Variants in EEA1 observed in about 807,000 individuals in gnomAD.
EEA1 encodes early endosome antigen 1, 162kD.
EEA1 carries 111 observed loss-of-function variants against 209.2 expected under a neutral mutation model. The observed-to-expected ratio is 0.53, with a 90% CI of 0.45 to 0.62. EEA1 has a LOEUF of 0.62. Ranked by LOEUF, EEA1 falls within the 20% of genes least tolerant of loss-of-function variation. The probability of loss-of-function intolerance (pLI) is 0.00; values close to 1 mark genes in which losing one functional copy is unlikely to be tolerated. For missense variants in EEA1, 1,343 were observed against 1,530.8 expected, an observed-to-expected ratio of 0.88 and a Z score of 2.05; for synonymous variants, 536 against 540.6, an observed-to-expected ratio of 0.99 and a Z score of 0.12.
chr12:92,789,911 C>A (rs553070429), intron 21 of EEA1, among the ~76,000 whole-genome samples: 1 of 152,152 alleles, frequency 6.6e-6, no homozygotes, highest in African/African-American at 2.4e-5. Context: ...CCCTCTGGGA[C>A]GAAGCTTCCA....
Position 92,778,063 on chromosome 12 carries a change from C to T in EEA1, c.3771G>A (p.Trp1257Ter). ...NENLGTVKKE[W>*]QSSQRRVSEL... The stretch of plus-strand genomic sequence containing the variant: ...CACTAACTCTCCGTTGACTAGATTG[C>T]CACTCCTTCTTCACAGTGCCTAAGT... Residue 1257 changes from tryptophan (W) to a stop codon, truncating the protein, a stop_gained, in exon 26 of 29, where the codon TGG (tryptophan) becomes TGA (stop). Transcript: ENST00000322349. LOFTEE classifies it high-confidence loss of function. 1 of 1,613,442 alleles carries T rather than the reference C, an allele frequency of 6.2e-7. No homozygotes were observed. Among genetic ancestry groups the T allele is most frequent in the Non-Finnish European group, 8.5e-7 (1 of 1,179,552 alleles).
chr12:92,811,229 T>C (rs763868720), intron 17 of EEA1, 50 bp downstream of exon 17: 15 of 1,239,890 alleles, frequency 1.2e-5, no homozygotes, highest in Non-Finnish European at 7.4e-6. Context: ...TGAGATTCCA[T>C]TGCTACTGAA....
intron 21 of EEA1, among the ~76,000 whole-genome samples, chr12:92,794,038 A>T (rs919695268): frequency 5.3e-5 from 8 of 152,194 alleles, no homozygotes; most frequent in Non-Finnish European, 1.0e-4. Context: ...TACAAGAAAA[A>T]AACAAACAAC....
chr12:92,906,532 G>C (rs1693086419), intron 1 of EEA1, among the ~76,000 whole-genome samples: 1 of 152,306 alleles, frequency 6.6e-6, no homozygotes, highest in African/African-American at 2.4e-5. Context: ...AACTTTAGGG[G>C]CCGGGTGCAG....
chr12:92,873,146 G>A (rs1878726269), intron 2 of EEA1, among the ~76,000 whole-genome samples: 1 of 152,166 alleles, frequency 6.6e-6, no homozygotes, highest in Non-Finnish European at 1.5e-5. Context: ...ACTTTGCTTT[G>A]CTTAAATGTC....
At chr12:92,846,314 G>A (rs1325808171) in intron 9 of EEA1, among the ~76,000 whole-genome samples, 1 of 152,110 alleles carries the variant, frequency 6.6e-6, no homozygotes, top group African/African-American at 2.4e-5. Context: ...ACAAAATGGT[G>A]GATGAAAGGT....
intron 5 of EEA1, among the ~76,000 whole-genome samples, chr12:92,855,893 CAATT>C (rs1181975971): frequency 6.6e-6 from 1 of 152,152 alleles, no homozygotes; most frequent in Non-Finnish European, 1.5e-5. Flanking sequence ...AGCCCATACT[CAATT>C]AATTATTAAT....
rs1214027251 is a variant in EEA1, at chr12:92,770,753, A to G, written c.*5258T>C. 1 of 152,186 alleles carries G rather than the reference A, an allele frequency of 6.6e-6. No homozygotes were observed. The highest frequency in any genetic ancestry group is 1.5e-5 in the Non-Finnish European group (1 of 68,042). The allele number at this position is 152,186 out of a possible 1,614,324, so 9.4% of individuals were successfully genotyped here. A position where few individuals can be genotyped will look rare whatever the true frequency, so the allele number is the denominator to read the frequency against. ...TAGCAGTTTTAAAATTCCTATTCTC[A>G]AACTCATCTCAGGTATATAGTACTC... On this transcript the variant is annotated 3_prime_UTR_variant, in exon 29 of 29. Coordinates refer to ENST00000322349, the MANE Select transcript of EEA1 (RefSeq NM_003566.4).
At chr12:92,779,756 A>G (rs1367552603) in intron 24 of EEA1, among the ~76,000 whole-genome samples, 1 of 152,192 alleles carries the variant, frequency 6.6e-6, no homozygotes, top group Non-Finnish European at 1.5e-5. Flanking sequence ...CATAAAGGAC[A>G]TTATGAGTGC....
At chr12:92,863,842 C>A (rs61935266) in intron 3 of EEA1, among the ~76,000 whole-genome samples, 1 of 152,104 alleles carries the variant, frequency 6.6e-6, no homozygotes, top group Non-Finnish European at 1.5e-5. Flanking sequence ...CAAGGGTAGA[C>A]CGTGGATGCT....
In EEA1 at chr12:92,802,517, T is replaced by C. The variant is rs1874970119; in HGVS notation, c.2557A>G (p.Thr853Ala). ...TTGTCCTTTACTGTAGAAAGCTCTG[T>C]CATTAAAGCTTCTTTCTCCATTTTC... The part of the protein sequence containing the change: ...KVKMEKEALM[T>A]ELSTVKDKLS... The change falls in exon 19 of 29, where the codon ACA becomes GCA. Residue 853 changes from threonine to alanine, a missense_variant. Thr to Ala is a moderately conservative substitution (Grantham distance 58). Transcript: ENST00000322349. The C allele has an allele frequency of 1.3e-6, 2 of 1,597,060 alleles. No individual in the cohort carries two copies. The highest frequency in any genetic ancestry group is 1.7e-6 in the Non-Finnish European group (2 of 1,174,806).
chr12:92,811,236 T>A (rs1467222144), intron 17 of EEA1, 43 bp downstream of exon 17: 1 of 1,298,898 alleles, frequency 7.7e-7, no homozygotes, highest in Non-Finnish European at 1.0e-6. Flanking sequence ...CCATTGCTAC[T>A]GAAGTAGAAA....
In EEA1 at chr12:92,858,650, T is replaced by A. The variant is rs917733916; in HGVS notation, c.246-1165A>T. 29 of 736,370 alleles carry A rather than the reference T, an allele frequency of 3.9e-5. No individual in the cohort carries two copies. In the African/African-American group the frequency reaches 4.6e-4, roughly 12 times the overall value. The allele number at this position is 736,370 out of a possible 1,614,324, so 45.6% of individuals were successfully genotyped here. A position where few individuals can be genotyped will look rare whatever the true frequency, so the allele number is the denominator to read the frequency against. Reference sequence around the variant, plus strand: ...ACAACTCAAGTTACTGTGCACTATATGCAGGATTGAGGTGCTATGCTTCCC... The same window carrying A: ...ACAACTCAAGTTACTGTGCACTATAAGCAGGATTGAGGTGCTATGCTTCCC... On this transcript the variant is annotated intron_variant, in intron 3 of 28. Transcript: ENST00000322349.
At chr12:92,914,475 C>T (rs1040027607) in intron 1 of EEA1, among the ~76,000 whole-genome samples, 8 of 151,896 alleles carry the variant, frequency 5.3e-5, no homozygotes, top group African/African-American at 1.9e-4. Context: ...TGGTTCCACA[C>T]GAATTTTAGA....
In EEA1 at chr12:92,889,563, C is replaced by A. The variant is rs575655859; in HGVS notation, c.117+2066G>T. 1.1e-3 allele frequency among the ~76,000 whole-genome samples: 160 copies of A among 146,212 alleles called. 1 individual carries two copies. Among genetic ancestry groups the A allele is most frequent in the Non-Finnish European group, 1.2e-3 (82 of 66,420 alleles). The stretch of plus-strand genomic sequence containing the variant: ...AAAAAAAGAACAAACCAAAAAAAAA[C>A]CCCCACCTAAAACAAAAGGAACAAG... On this transcript the variant is annotated intron_variant, in intron 2 of 28. Transcript: ENST00000322349.
chr12:92,905,152 T>C (rs1880319822), intron 1 of EEA1, among the ~76,000 whole-genome samples: 1 of 152,110 alleles, frequency 6.6e-6, no homozygotes, highest in African/African-American at 2.4e-5. Flanking sequence ...TGACATTCCT[T>C]TCACCTCCAT....
At chr12:92,803,157 C>T (rs1298469452) in intron 18 of EEA1, among the ~76,000 whole-genome samples, 2 of 151,952 alleles carry the variant, frequency 1.3e-5, no homozygotes, top group South Asian at 2.1e-4. Context: ...ACATGAAACA[C>T]ATTATGTGTG....
intron 1 of EEA1, among the ~76,000 whole-genome samples, chr12:92,921,728 A>C (rs1282169071): frequency 7.0e-6 from 1 of 142,878 alleles, no homozygotes; most frequent in Non-Finnish European, 1.5e-5. Flanking sequence ...TTGCACATGT[A>C]CCCTAAAACT....
intron 18 of EEA1, among the ~76,000 whole-genome samples, chr12:92,806,976 C>T (rs1047387079): frequency 1.3e-5 from 2 of 150,098 alleles, no homozygotes; most frequent in African/African-American, 4.9e-5. Context: ...CTCGCTCTGT[C>T]GCCCAGGTTG....
Sources: gnomAD v4.1 joint callset for allele counts (sites outside exome capture counted in the v4.1 genomes callset) on GRCh38, gnomAD v4.1.1 for gene constraint, MANE v1.5 for transcripts, NCBI Gene and HGNC (gene_info 2026-07-23, HGNC 2026-07-21) for gene names.